The following TTLL11 variants were observed in gnomAD, a reference collection of about 807,000 sequenced individuals.
TTLL11 encodes tubulin polyglutamylase TTLL11.
In TTLL11, 42 loss-of-function variants were observed where a neutral mutation model predicts 51.7. That is an observed-to-expected ratio of 0.81 (90% CI 0.64 to 1.05). TTLL11 has a LOEUF of 1.05. Among genes scored for constraint, TTLL11 ranks in the 50% least tolerant of loss-of-function variants. TTLL11 has a pLI of 0.00. For missense variants in TTLL11, 799 were observed against 940.4 expected, an observed-to-expected ratio of 0.85 and a Z score of 1.97; for synonymous variants, 381 against 383.5, an observed-to-expected ratio of 0.99 and a Z score of 0.08.
chr9:121,903,413 A>G (rs1380853324), intron 6 of TTLL11, among the ~76,000 whole-genome samples: 1 of 152,168 alleles, frequency 6.6e-6, no homozygotes, highest in Non-Finnish European at 1.5e-5. Context: ...AGTACCTATC[A>G]TATGTATGGC....
chr9:122,044,361 T>C (rs2131834766), intron 1 of TTLL11, among the ~76,000 whole-genome samples: 1 of 152,292 alleles, frequency 6.6e-6, no homozygotes, highest in South Asian at 2.1e-4. Flanking sequence ...TATAATCCTT[T>C]GGGTATATAC....
chr9:121,825,952 A>T (rs1836738331), intron 8 of TTLL11, among the ~76,000 whole-genome samples: 1 of 150,878 alleles, frequency 6.6e-6, no homozygotes, highest in African/African-American at 2.4e-5. Context: ...GCATTTTGTG[A>T]TTTTCTACAG....
At chr9:122,003,190 C>A (rs1046580411) in intron 3 of TTLL11, among the ~76,000 whole-genome samples, 35 of 152,102 alleles carry the variant, frequency 2.3e-4, no homozygotes, top group Non-Finnish European at 4.3e-4. Flanking sequence ...GCATCAATAT[C>A]TTCATCTGTC....
At position 122,093,191 on chromosome 9, in the gene TTLL11, C is replaced by A; in HGVS notation, c.-43G>T. 6.7e-7 allele frequency: 1 copy of A among 1,489,368 alleles called. No homozygotes were observed. Among genetic ancestry groups the A allele is most frequent in the Non-Finnish European group, 8.9e-7 (1 of 1,128,780 alleles). The allele number at this position is 1,489,368 out of a possible 1,614,324, so 92.3% of individuals were successfully genotyped here. On this transcript the variant is annotated 5_prime_UTR_variant, in exon 1 of 9. Transcript: ENST00000321582. ...CCAGTGCCAGTGCCACCGCCGCCGC[C>A]GCCGCCGCTCCGCCGCCCCAGTCCG...
chr9:122,000,836 G>C (rs531739133), intron 3 of TTLL11, among the ~76,000 whole-genome samples: 1 of 152,108 alleles, frequency 6.6e-6, no homozygotes, highest in African/African-American at 2.4e-5. Context: ...ATTCTTTCTT[G>C]CACGAGATAC....
At position 121,871,162 on chromosome 9, in the gene TTLL11, T is replaced by C. The variant is rs1838343385; in HGVS notation, c.1482-414A>G. Among the ~76,000 whole-genome samples, 3 of 151,948 alleles carry C rather than the reference T, an allele frequency of 2.0e-5. No homozygotes were observed. In the South Asian group the frequency reaches 6.2e-4, roughly 31 times the overall value. ...GCCAGAACACAGTTCAACGAACAAT[T>C]TGCAAAGATGCATCAGCTACCGAAT... On this transcript the variant is annotated intron_variant, in intron 6 of 8. Transcript: ENST00000321582.
In TTLL11 at chr9:121,816,766, A is replaced by T. The variant is rs1052859674; in HGVS notation, c.*5821T>A. ...TGCTGCGTGGTTTTTCCAGTTATAT[A>T]AAAATCAAGACTTTTGGCTACTAGA... is the stretch of plus-strand genomic sequence containing the variant. On this transcript the variant is annotated 3_prime_UTR_variant, in exon 9 of 9. Transcript: ENST00000321582. The T allele has an allele frequency of 6.6e-6, 1 of 152,204 alleles. No homozygotes were observed. Among genetic ancestry groups the T allele is most frequent in the African/African-American group, 2.4e-5 (1 of 41,446 alleles). The allele number at this position is 152,204 out of a possible 1,614,324, so 9.4% of individuals were successfully genotyped here. A position where few individuals can be genotyped will look rare whatever the true frequency, so the allele number is the denominator to read the frequency against.
chr9:122,068,519 G>A (rs1331717102), intron 1 of TTLL11, among the ~76,000 whole-genome samples: 1 of 152,178 alleles, frequency 6.6e-6, no homozygotes, highest in African/African-American at 2.4e-5. Context: ...CATTGGGACT[G>A]TTCCAACATT....
chr9:121,822,481 G>T lies in TTLL11; in HGVS notation c.*106C>A. ...GACAGTTCGTGGGGACCTCAGCTGG[G>T]CCCCTCGGCAGCCTGCCTGCCATTC... On this transcript the variant is annotated 3_prime_UTR_variant, in exon 9 of 9. Transcript: ENST00000321582. This position sits in a 1 kb window ranked among gnomAD's most constrained non-coding sequence, Gnocchi z 5.8. 1.8e-6 allele frequency: 2 copies of T among 1,140,092 alleles called. No individual in the cohort carries two copies. The highest frequency in any genetic ancestry group is 2.4e-6 in the Non-Finnish European group (2 of 838,244). 70.6% of individuals were successfully genotyped at this position (1,140,092 alleles called of 1,614,324 possible).
In TTLL11 at chr9:121,821,536, C is replaced by T. The variant is rs993750045; in HGVS notation, c.*1051G>A. On this transcript the variant is annotated 3_prime_UTR_variant, in exon 9 of 9. Coordinates refer to ENST00000321582, the MANE Select transcript of TTLL11 (RefSeq NM_001139442.2). The surrounding 1 kb of genome is among the most constrained non-coding windows in gnomAD (Gnocchi z 5.0). ...CTGCCTGTCTTCAATAGGCCCTGGA[C>T]CTTGGCATGCCCAAGGCTGTTTCCA... 1.3e-5 allele frequency among the ~76,000 whole-genome samples: 2 copies of T among 152,130 alleles called. No homozygotes were observed. The highest frequency in any genetic ancestry group is 4.8e-5 in the African/African-American group (2 of 41,442).
chr9:121,897,618 G>GCACA (rs745877337), intron 6 of TTLL11, among the ~76,000 whole-genome samples: 47 of 137,008 alleles, frequency 3.4e-4, no homozygotes, highest in African/African-American at 6.3e-4. Flanking sequence ...TTCCCTCCAG[G>GCACA]CACACACACA....
intron 6 of TTLL11, among the ~76,000 whole-genome samples, chr9:121,966,858 A>C (rs553407166): frequency 6.6e-6 from 1 of 152,314 alleles, no homozygotes; most frequent in South Asian, 2.1e-4. Flanking sequence ...TTATGTCCAC[A>C]ACTCAAACAG....
chr9:121,917,505 GAAGGAGAGAGA>G (rs142328259), intron 6 of TTLL11, among the ~76,000 whole-genome samples: 9 of 142,620 alleles, frequency 6.3e-5, no homozygotes, highest in South Asian at 2.2e-4. Context: ...GAAAAGAAAA[GAAGGAGAGAGA>G]GAAAGAAAGG....
chr9:121,843,106 C>T (rs899888041), intron 8 of TTLL11, among the ~76,000 whole-genome samples: 4 of 151,946 alleles, frequency 2.6e-5, no homozygotes, highest in Non-Finnish European at 5.9e-5. Flanking sequence ...GGGGCCGAGG[C>T]TGGAGGATCC....
chr9:121,818,644 G>C lies in TTLL11; in HGVS notation c.*3943C>G, dbSNP rs1836482052. On this transcript the variant is annotated 3_prime_UTR_variant, in exon 9 of 9. Transcript: ENST00000321582. ...TCACTCTGTTTGGGGGATTGCAGCGGGGACACTGGAACTGAACCTTGAAAG... is the reference window on the plus strand; with the variant it reads ...TCACTCTGTTTGGGGGATTGCAGCGCGGACACTGGAACTGAACCTTGAAAG... 1 of 152,386 alleles carries C rather than the reference G, an allele frequency of 6.6e-6. No homozygotes were observed. Among genetic ancestry groups the C allele is most frequent in the Non-Finnish European group, 1.5e-5 (1 of 68,182 alleles). 9.4% of individuals were successfully genotyped at this position (152,386 alleles called of 1,614,324 possible).
intron 2 of TTLL11, 116 bp from the exon 3 acceptor site, chr9:122,031,972 T>C (rs1844565949): frequency 7.0e-7 from 1 of 1,420,916 alleles, no homozygotes; most frequent in South Asian, 1.5e-5. Flanking sequence ...TCAGGCAGGA[T>C]TTTTAAAAAA....
chr9:121,822,643 G>C lies in TTLL11; in HGVS notation c.2077C>G (p.Pro693Ala). 1 of 1,516,924 alleles carries C rather than the reference G, an allele frequency of 6.6e-7. No homozygotes were observed. Among genetic ancestry groups the C allele is most frequent in the Non-Finnish European group, 8.8e-7 (1 of 1,131,218 alleles). The allele number at this position is 1,516,924 out of a possible 1,614,324, so 94.0% of individuals were successfully genotyped here. Residue 693 changes from proline (P) to alanine (A), a missense_variant, in exon 9 of 9, where the codon CCA (proline) becomes GCA (alanine). By Grantham distance (27) the Pro-to-Ala change is conservative (BLOSUM62 -1). Around this residue, in one of 3 missense-constraint regions of TTLL11, gnomAD observed 165 missense variants for 166.1 expected, o/e 0.99. Transcript: ENST00000321582. This position sits in a 1 kb window ranked among gnomAD's most constrained non-coding sequence, Gnocchi z 5.8. ...TTATTGGCACAGCTGGTGCGGGGTG[G>C]GGGGTTGTCCCCTGCTGGCTGGGCC... ...PSAQPAGDNP[P>A]PRTSCANKLS...
chr9:121,858,150 G>A (rs1481525521), intron 8 of TTLL11, among the ~76,000 whole-genome samples: 6 of 152,254 alleles, frequency 3.9e-5, no homozygotes, highest in Admixed American at 1.3e-4. Context: ...CTGGTTGCCA[G>A]GGAGGGCTGT....
chr9:122,075,112 T>C (rs1398869571), intron 1 of TTLL11, among the ~76,000 whole-genome samples: 1 of 152,218 alleles, frequency 6.6e-6, no homozygotes, highest in East Asian at 1.9e-4. Context: ...AACAATACTA[T>C]ATAAATATTA....
Sources: gnomAD v4.1 joint callset for allele counts (sites outside exome capture counted in the v4.1 genomes callset) on GRCh38, gnomAD v4.1.1 for gene constraint, gnomAD v4.1.1 regional missense constraint, Gnocchi (gnomAD v3.1) non-coding constraint, MANE v1.5 for transcripts, NCBI Gene and HGNC (gene_info 2026-07-23, HGNC 2026-07-21) for gene names.